The following ATP10D variants were observed in gnomAD, a reference collection of about 807,000 sequenced individuals.
ATP10D encodes phospholipid-transporting ATPase VD.
A neutral mutation model predicts 144.8 loss-of-function variants in ATP10D; 89 were observed. The observed-to-expected ratio is 0.61, with a 90% CI of 0.52 to 0.73. ATP10D has a LOEUF of 0.73. Among genes scored for constraint, ATP10D ranks in the 30% least tolerant of loss-of-function variants. ATP10D has a pLI of 0.00. For synonymous variants in ATP10D, 571 were observed against 615.1 expected (o/e 0.93, Z 1.06); for missense variants, 1,603 against 1,714.8 (o/e 0.93, Z 1.15).
At chr4:47,564,331 G>T (rs1045056176) in intron 15 of ATP10D, among the ~76,000 whole-genome samples, 4 of 146,980 alleles carry the variant, frequency 2.7e-5, no homozygotes, top group African/African-American at 9.9e-5. Flanking sequence ...TTAGAAGAAA[G>T]TTTTTTTTTT....
At chr4:47,571,671 T>C (rs977302725) in intron 16 of ATP10D, among the ~76,000 whole-genome samples, 3 of 152,052 alleles carry the variant, frequency 2.0e-5, no homozygotes, top group Non-Finnish European at 4.4e-5. Flanking sequence ...CATGATACTG[T>C]GTGATAGGTG....
intron 16 of ATP10D, among the ~76,000 whole-genome samples, chr4:47,569,694 G>GA (rs1334289158): frequency 6.6e-6 from 1 of 152,122 alleles, no homozygotes; most frequent in Non-Finnish European, 1.5e-5. Flanking sequence ...AAGTACTATT[G>GA]AAAAAATAAA....
In ATP10D at chr4:47,538,268, T is replaced by C. The variant is rs1400596408; in HGVS notation, c.1396+1330T>C. On this transcript the variant is annotated intron_variant, in intron 9 of 22. Coordinates refer to ENST00000273859, the MANE Select transcript of ATP10D (RefSeq NM_020453.4). ...TGTTTTTTAAATGGGGTTTCTTTGT[T>C]CTTGTTAGTCTGTGGGAGAGCTTTT... Among the ~76,000 whole-genome samples, 11 of 152,306 alleles carry C rather than the reference T, an allele frequency of 7.2e-5. No homozygotes were observed. In the East Asian group the frequency reaches 2.1e-3, roughly 29 times the overall value.
intron 1 of ATP10D, among the ~76,000 whole-genome samples, chr4:47,508,040 C>G (rs1037260711): frequency 6.6e-6 from 1 of 152,292 alleles, no homozygotes; most frequent in Non-Finnish European, 1.5e-5. Flanking sequence ...ATTCCAGATC[C>G]TCTAAATCAG....
intron 11 of ATP10D, among the ~76,000 whole-genome samples, chr4:47,555,397 T>A (rs1057329808): frequency 2.6e-5 from 4 of 152,278 alleles, no homozygotes; most frequent in African/African-American, 9.6e-5. Context: ...CCAAAAAGGT[T>A]GAGGACCGCT....
intron 22 of ATP10D, among the ~76,000 whole-genome samples, chr4:47,590,659 A>G (rs955618600): frequency 1.3e-5 from 2 of 152,102 alleles, no homozygotes; most frequent in African/African-American, 2.4e-5. Context: ...TACAATAGCC[A>G]TAGGAAACTG....
intron 3 of ATP10D, among the ~76,000 whole-genome samples, chr4:47,520,147 A>G (rs1188404949): frequency 6.6e-6 from 1 of 152,176 alleles, no homozygotes; most frequent in Non-Finnish European, 1.5e-5. Context: ...AAATGTCAAA[A>G]TCTGTCTCTC....
At position 47,568,886 on chromosome 4, in the gene ATP10D, A is replaced by C. The variant is rs1719787147; in HGVS notation, c.2903A>C (p.Lys968Thr). The C allele has an allele frequency of 1.9e-6, 3 of 1,614,230 alleles. No homozygotes were observed. Among genetic ancestry groups the C allele is most frequent in the South Asian group, 2.2e-5 (2 of 91,084 alleles). The change falls in exon 16 of 23, where the codon AAA becomes ACA. Residue 968 changes from lysine (K) to threonine (T), a missense_variant. Lys to Thr is a moderately conservative substitution (Grantham distance 78, BLOSUM62 -1). Transcript: ENST00000273859. ...MSTILKELQK[K>T]TQALPEQVSL... is the part of the protein sequence containing the mutation. ...ACAATTTTGAAAGAACTTCAGAAGAAAACTCAAGCCCTGCCAGAGCAAGTG... is the reference window on the plus strand; with the variant it reads ...ACAATTTTGAAAGAACTTCAGAAGACAACTCAAGCCCTGCCAGAGCAAGTG...
chr4:47,551,111 G>A (rs1365637596), intron 10 of ATP10D, among the ~76,000 whole-genome samples: 1 of 152,140 alleles, frequency 6.6e-6, no homozygotes, highest in Non-Finnish European at 1.5e-5. Context: ...ATTTTAGTGA[G>A]CTCTCCTTAC....
intron 1 of ATP10D, among the ~76,000 whole-genome samples, chr4:47,503,470 G>A (rs992380694): frequency 6.6e-6 from 1 of 152,084 alleles, no homozygotes; most frequent in Admixed American, 6.5e-5. Context: ...TTTCCATTTA[G>A]GGTCCTTAAA....
At position 47,535,993 on chromosome 4, in the gene ATP10D, T is replaced by G. The variant is rs781594438; in HGVS notation, c.975T>G (p.Cys325Trp). The G allele has an allele frequency of 2.5e-6, 4 of 1,613,040 alleles. No homozygotes were observed. Among genetic ancestry groups the G allele is most frequent in the Non-Finnish European group, 2.5e-6 (3 of 1,179,264 alleles). ...ERRANTDVLW[C>W]VMLLVIMCLT... ...GAGCAAACACAGATGTCCTCTGGTG[T>G]GTCATGCTTCTGGTCATAATGTGCT... Residue 325 changes from cysteine to tryptophan, a missense_variant, in exon 7 of 23, where the codon TGT (cysteine) becomes TGG (tryptophan). By Grantham distance (215) the Cys-to-Trp change is radical. Coordinates refer to ENST00000273859, the MANE Select transcript of ATP10D (RefSeq NM_020453.4).
intron 1 of ATP10D, among the ~76,000 whole-genome samples, chr4:47,500,053 A>G (rs1181451835): frequency 1.3e-5 from 2 of 152,208 alleles, no homozygotes; most frequent in African/African-American, 4.8e-5. Flanking sequence ...ATTGTTAAAG[A>G]TATTCTAGTC....
chr4:47,535,302 C>G (rs1006606396), intron 5 of ATP10D, among the ~76,000 whole-genome samples: 2 of 141,518 alleles, frequency 1.4e-5, no homozygotes, highest in African/African-American at 5.1e-5. Context: ...CGTGTACCAC[C>G]TGAACCTAAA....
At chr4:47,572,744 C>T (rs1327305320) in intron 17 of ATP10D, 128 bp from the exon 18 acceptor site, 7 of 1,208,758 alleles carry the variant, frequency 5.8e-6, no homozygotes, top group Non-Finnish European at 6.9e-6. Context: ...GATTTTCATT[C>T]ATGTATGGAA....
intron 1 of ATP10D, chr4:47,490,973 T>G: frequency 1.6e-6 from 1 of 617,326 alleles, no homozygotes. Flanking sequence ...ATTTATTTTG[T>G]TAACACCTCT....
chr4:47,534,743 T>C (rs1215044771), intron 5 of ATP10D, among the ~76,000 whole-genome samples: 3 of 152,294 alleles, frequency 2.0e-5, no homozygotes, highest in Middle Eastern at 3.4e-3. Context: ...TTATCCTAAA[T>C]ACAGTTTATA....
chr4:47,541,120 A>G (rs1188214915), intron 9 of ATP10D, among the ~76,000 whole-genome samples: 1 of 152,210 alleles, frequency 6.6e-6, no homozygotes, highest in African/African-American at 2.4e-5. Context: ...GACACTATCT[A>G]TCTCATTGGA....
chr4:47,560,807 G>A, intron 13 of ATP10D, 142 bp from the exon 14 acceptor site: 1 of 992,440 alleles, frequency 1.0e-6, no homozygotes, highest in Non-Finnish European at 1.5e-6. Flanking sequence ...GTGGTGTGAG[G>A]ATATGGATCT....
chr4:47,526,508 A>G (rs1717251750), intron 5 of ATP10D, among the ~76,000 whole-genome samples: 1 of 152,210 alleles, frequency 6.6e-6, no homozygotes, highest in East Asian at 1.9e-4. Context: ...AGACAAGCTT[A>G]CACTGGAAGG....
Sources: gnomAD v4.1 joint callset for allele counts (sites outside exome capture counted in the v4.1 genomes callset) on GRCh38, gnomAD v4.1.1 for gene constraint, MANE v1.5 for transcripts, NCBI Gene and HGNC (gene_info 2026-07-23, HGNC 2026-07-21) for gene names.